Variants in CNTN4 observed in about 807,000 individuals in gnomAD.
CNTN4 encodes contactin-4.
A neutral mutation model predicts 122.5 loss-of-function variants in CNTN4; 77 were observed. That is an observed-to-expected ratio of 0.63 (90% CI 0.52 to 0.76). The LOEUF (loss-of-function observed/expected upper bound fraction) is 0.76, where lower values mean the gene tolerates loss of function less well. CNTN4 is among the 30% of genes least tolerant of loss of function. CNTN4 has a pLI of 0.00. For synonymous variants in CNTN4, 512 were observed against 447.0 expected (o/e 1.15, Z -1.83); for missense variants, 1,256 against 1,259.1 (o/e 1.00, Z 0.04).
chr3:2,893,591 G>A (rs555046440), intron 10 of CNTN4, among the ~76,000 whole-genome samples: 12 of 152,196 alleles, frequency 7.9e-5, no homozygotes, highest in South Asian at 2.1e-4. Context: ...TTAAGCAAAC[G>A]TTGCGAATAA....
At chr3:2,917,142 A>AC (rs2094372652) in intron 12 of CNTN4, among the ~76,000 whole-genome samples, 1 of 144,278 alleles carries the variant, frequency 6.9e-6, no homozygotes, top group South Asian at 2.3e-4. Flanking sequence ...TCCACCAAAA[A>AC]ATATAAAAAC....
chr3:2,486,176 T>G (rs1355163197), intron 3 of CNTN4, among the ~76,000 whole-genome samples: 1 of 152,034 alleles, frequency 6.6e-6, no homozygotes, highest in Admixed American at 6.6e-5. Flanking sequence ...GTCTGCAGTT[T>G]CACTCCTGAA....
chr3:2,590,577 A>G (rs2080423651), intron 4 of CNTN4, among the ~76,000 whole-genome samples: 1 of 151,950 alleles, frequency 6.6e-6, no homozygotes, highest in Admixed American at 6.6e-5. Context: ...CAAGGCATAT[A>G]ATGTCTTACA....
intron 2 of CNTN4, among the ~76,000 whole-genome samples, chr3:2,290,171 G>A (rs2042080175): frequency 6.6e-6 from 1 of 152,182 alleles, no homozygotes; most frequent in Non-Finnish European, 1.5e-5. Flanking sequence ...ATAACAAGCA[G>A]CACAGAGCAT....
intron 2 of CNTN4, among the ~76,000 whole-genome samples, chr3:2,246,367 C>A (rs997230231): frequency 2.6e-5 from 4 of 151,942 alleles, no homozygotes; most frequent in African/African-American, 9.7e-5. Context: ...TTTTAATACC[C>A]CTTATCCTGA....
chr3:2,816,147 G>T (rs992089090), intron 6 of CNTN4, among the ~76,000 whole-genome samples: 21 of 151,910 alleles, frequency 1.4e-4, no homozygotes, highest in African/African-American at 4.8e-4. Context: ...GAGGTCAGGA[G>T]ATCGAGACCA....
intron 4 of CNTN4, among the ~76,000 whole-genome samples, chr3:2,703,119 C>T (rs2600289): frequency 0.18 from 26,725 of 152,124 alleles, 2,703 homozygotes; most frequent in South Asian, 0.4. Context: ...CTACAGAGGA[C>T]GAAACGGAGG....
At chr3:2,257,270 C>T (rs1030120702) in intron 2 of CNTN4, among the ~76,000 whole-genome samples, 1 of 152,164 alleles carries the variant, frequency 6.6e-6, no homozygotes, top group African/African-American at 2.4e-5. Flanking sequence ...CTTCCTTACA[C>T]CTTATACAAA....
intron 3 of CNTN4, among the ~76,000 whole-genome samples, chr3:2,521,351 A>ACCCCCACCCCCCCAC (rs1559632310): frequency 2.6e-5 from 3 of 115,200 alleles, no homozygotes; most frequent in African/African-American, 1.0e-4. Context: ...CATCCCCCCC[A>ACCCCCACCCCCCCAC]CCCCCCGCAA....
At chr3:2,886,265 C>T (rs576913375) in intron 9 of CNTN4, among the ~76,000 whole-genome samples, 9 of 151,556 alleles carry the variant, frequency 5.9e-5, no homozygotes, top group East Asian at 2.0e-4. Flanking sequence ...GGCATGGTGG[C>T]GGGCGCCTGT....
At chr3:2,546,324 C>CA (rs56849200) in intron 3 of CNTN4, among the ~76,000 whole-genome samples, 48,122 of 138,000 alleles carry the variant, frequency 0.35, 7,960 homozygotes, top group Admixed American at 0.43. Context: ...ACTATGCAGC[C>CA]AAAAAAAAAA....
intron 3 of CNTN4, among the ~76,000 whole-genome samples, chr3:2,401,198 A>G (rs1045385936): frequency 6.6e-6 from 1 of 152,096 alleles, no homozygotes; most frequent in Non-Finnish European, 1.5e-5. Context: ...TTTGGATCTC[A>G]TGATTTTAGA....
intron 2 of CNTN4, among the ~76,000 whole-genome samples, chr3:2,197,475 C>T (rs868706099): frequency 2.6e-5 from 4 of 152,196 alleles, no homozygotes; most frequent in Non-Finnish European, 5.9e-5. Flanking sequence ...TAATGCACTA[C>T]ATTTCTGGTA....
At position 2,238,745 on chromosome 3, in the gene CNTN4, T is replaced by TTTTTTTTTTTTTTTTTTTTA. The variant is rs1553606665; in HGVS notation, c.-144-100433_-144-100432insTTTTTTTTTTTTTTTTTTTA. 6 of 109,186 alleles carry TTTTTTTTTTTTTTTTTTTTA rather than the reference T, an allele frequency of 5.5e-5. 1 individual carries two copies. In the East Asian group the frequency reaches 8.6e-4, roughly 16 times the overall value. 6.8% of individuals were successfully genotyped at this position (109,186 alleles called of 1,614,324 possible). On this transcript the variant is annotated intron_variant, in intron 2 of 24. Transcript: ENST00000418658. ...ATCAGTTGGCTCTGTGTTTTTTTTT[T>TTTTTTTTTTTTTTTTTTTTA]GAGACGGAGTCTGGCCCTGTCGCCC...
chr3:2,775,839 A>G (rs1196772132), intron 6 of CNTN4, among the ~76,000 whole-genome samples: 1 of 152,168 alleles, frequency 6.6e-6, no homozygotes, highest in Non-Finnish European at 1.5e-5. Flanking sequence ...TCACTACAAT[A>G]TGAGCTCCAT....
chr3:2,439,614 C>T (rs144190959), intron 3 of CNTN4, among the ~76,000 whole-genome samples: 486 of 152,012 alleles, frequency 3.2e-3, no homozygotes, highest in African/African-American at 0.011. Context: ...CTCTCTCTTT[C>T]TGTCTCTGTA....
intron 2 of CNTN4, among the ~76,000 whole-genome samples, chr3:2,268,260 C>T (rs2041135709): frequency 6.6e-6 from 1 of 151,984 alleles, no homozygotes; most frequent in Non-Finnish European, 1.5e-5. Flanking sequence ...CATTCTCATG[C>T]TTTGACTTGA....
chr3:2,772,629 A>G (rs1438064790), intron 6 of CNTN4, among the ~76,000 whole-genome samples: 1 of 152,338 alleles, frequency 6.6e-6, no homozygotes, highest in African/African-American at 2.4e-5. Context: ...TAATTTTGCC[A>G]GGACAATAAA....
chr3:2,526,611 G>T (rs1187472928), intron 3 of CNTN4, among the ~76,000 whole-genome samples: 1 of 152,088 alleles, frequency 6.6e-6, no homozygotes, highest in Non-Finnish European at 1.5e-5. Context: ...GGGATTTAGG[G>T]TAACTATTAC....
Sources: gnomAD v4.1 joint callset for allele counts (sites outside exome capture counted in the v4.1 genomes callset) on GRCh38, gnomAD v4.1.1 for gene constraint, MANE v1.5 for transcripts, NCBI Gene and HGNC (gene_info 2026-07-23, HGNC 2026-07-21) for gene names.